Variants in GPHN observed in about 807,000 individuals in gnomAD.
GPHN encodes the protein gephyrin.
Under a neutral mutation model 95.5 loss-of-function variants are expected in GPHN, and 17 were observed. That is an observed-to-expected ratio of 0.18 (90% CI 0.12 to 0.27). The LOEUF (loss-of-function observed/expected upper bound fraction) is 0.27, where lower values mean the gene tolerates loss of function less well. Among genes scored for constraint, GPHN ranks in the 10% least tolerant of loss-of-function variants. The pLI, the probability that GPHN is intolerant of heterozygous loss-of-function variation, is 1.00. For missense variants in GPHN, 660 were observed against 978.1 expected (o/e 0.67, Z 4.34); for synonymous variants, 320 against 322.5 (o/e 0.99, Z 0.08).
chr14:67,302,102 C>G, the GPHN span: 1 of 1,602,652 alleles, frequency 6.2e-7, no homozygotes, highest in African/African-American at 1.3e-5. Flanking sequence ...ATAGAAAAGG[C>G]TCGTGATATT....
intron 9 of GPHN, among the ~76,000 whole-genome samples, chr14:66,988,965 A>T (rs1349162897): frequency 6.6e-6 from 1 of 152,094 alleles, no homozygotes; most frequent in Non-Finnish European, 1.5e-5. Flanking sequence ...AACTAGAATT[A>T]AAGTTAGGGA....
chr14:67,549,051 A>T, the GPHN span, among the ~76,000 whole-genome samples: 1 of 152,232 alleles, frequency 6.6e-6, no homozygotes, highest in Non-Finnish European at 1.5e-5. Flanking sequence ...CCAGAAAAAC[A>T]TATCCTAAAA....
At chr14:67,436,781 C>T in the GPHN span, among the ~76,000 whole-genome samples, 2 of 152,184 alleles carry the variant, frequency 1.3e-5, no homozygotes, top group African/African-American at 4.8e-5. Flanking sequence ...GCAGGCCAGG[C>T]GCTGTGGCTC....
At chr14:67,665,321 G>A in the GPHN span, among the ~76,000 whole-genome samples, 4 of 148,164 alleles carry the variant, frequency 2.7e-5, no homozygotes, top group African/African-American at 1.0e-4. Flanking sequence ...CATGATTACG[G>A]CTCACTGCAG....
the GPHN span, among the ~76,000 whole-genome samples, chr14:67,362,491 C>T: frequency 6.6e-6 from 1 of 152,116 alleles, no homozygotes; most frequent in East Asian, 1.9e-4. Flanking sequence ...ACATGTGATA[C>T]CCTCAGTAAA....
At chr14:67,631,196 A>C in the GPHN span, among the ~76,000 whole-genome samples, 4 of 152,136 alleles carry the variant, frequency 2.6e-5, no homozygotes, top group African/African-American at 9.7e-5. Flanking sequence ...TTCAGAGCCA[A>C]CTTCCTGGCT....
chr14:66,968,440 C>T (rs1428147814), intron 9 of GPHN, among the ~76,000 whole-genome samples: 1 of 152,172 alleles, frequency 6.6e-6, no homozygotes, highest in East Asian at 1.9e-4. Flanking sequence ...TAACTTAGTA[C>T]ATATTAGTGT....
chr14:67,367,961 T>C, the GPHN span, among the ~76,000 whole-genome samples: 1 of 152,200 alleles, frequency 6.6e-6, no homozygotes, highest in African/African-American at 2.4e-5. Context: ...TAAAAATATA[T>C]TTAACTATTT....
the GPHN span, among the ~76,000 whole-genome samples, chr14:67,425,791 C>T: frequency 2.6e-5 from 4 of 152,116 alleles, no homozygotes; most frequent in Admixed American, 2.6e-4. Flanking sequence ...GAACCCACTT[C>T]CAGACACAGG....
At chr14:67,210,689 T>C in the GPHN span, among the ~76,000 whole-genome samples, 5 of 151,726 alleles carry the variant, frequency 3.3e-5, no homozygotes, top group African/African-American at 9.7e-5. Context: ...GATGCATTCA[T>C]TGGGAGACAG....
At chr14:66,872,850 G>A (rs1454401032) in intron 4 of GPHN, among the ~76,000 whole-genome samples, 5 of 150,336 alleles carry the variant, frequency 3.3e-5, no homozygotes, top group African/African-American at 9.8e-5. Context: ...AGCCGAGATC[G>A]TGCCACTGCA....
chr14:66,707,064 A>C (rs1457093390), intron 2 of GPHN, among the ~76,000 whole-genome samples: 3 of 152,132 alleles, frequency 2.0e-5, no homozygotes, highest in Non-Finnish European at 4.4e-5. Flanking sequence ...AAAAAAAAAA[A>C]AACAACATCA....
intron 10 of GPHN, among the ~76,000 whole-genome samples, chr14:67,048,849 T>C (rs1328381157): frequency 6.6e-6 from 1 of 152,254 alleles, no homozygotes; most frequent in Non-Finnish European, 1.5e-5. Flanking sequence ...ATAAAGCTAA[T>C]GCCCTCGCAG....
the GPHN span, chr14:67,695,798 C>A: frequency 4.2e-6 from 5 of 1,199,024 alleles, no homozygotes; most frequent in Non-Finnish European, 6.0e-6. Flanking sequence ...CAAATTGCGA[C>A]AGCCCGGGGA....
chr14:67,332,797 AATC>A, the GPHN span: 1 of 1,611,166 alleles, frequency 6.2e-7, no homozygotes, highest in Non-Finnish European at 8.5e-7. Context: ...AGTTGAGAGA[AATC>A]ATTGAGAAGA....
chr14:66,589,328 A>T lies in GPHN; in HGVS notation c.64+80737A>T, dbSNP rs574756482. ...CACTATGAAGAAACCGCATCAGCTA[A>T]TGGGCAAAATAACCAGCTAGCATCA... On this transcript the variant is annotated intron_variant, in intron 1 of 22. Coordinates refer to ENST00000478722, the MANE Select transcript of GPHN (RefSeq NM_020806.5). Among the ~76,000 whole-genome samples the T allele has an allele frequency of 2.4e-3, 367 of 152,282 alleles. 4 individuals carry two copies. The highest frequency in any genetic ancestry group is 8.3e-3 in the African/African-American group (347 of 41,568).
chr14:66,881,919 ATATATT>A (rs1423433079), intron 5 of GPHN, among the ~76,000 whole-genome samples: 1 of 151,836 alleles, frequency 6.6e-6, no homozygotes, highest in Non-Finnish European at 1.5e-5. Flanking sequence ...TTAACCAAGA[ATATATT>A]TATAAACTTT....
chr14:67,271,260 TTCTA>T, the GPHN span: 4 of 152,254 alleles, frequency 2.6e-5, no homozygotes, highest in African/African-American at 9.6e-5. Flanking sequence ...TTCCCTTTAC[TTCTA>T]TCTGATTCTC....
intron 4 of GPHN, among the ~76,000 whole-genome samples, chr14:66,852,185 T>G (rs968967533): frequency 1.3e-5 from 2 of 152,232 alleles, no homozygotes; most frequent in African/African-American, 4.8e-5. Context: ...TAGTTGAGAA[T>G]AAATTAATAA....
Sources: allele counts gnomAD v4.1 joint callset (sites outside exome capture counted in the v4.1 genomes callset), GRCh38; gene constraint gnomAD v4.1.1; transcripts MANE v1.5; gene names NCBI Gene and HGNC (gene_info 2026-07-23, HGNC 2026-07-21).